The following KSR2 variants were observed in gnomAD, a reference collection of about 807,000 sequenced individuals.
KSR2 encodes the protein kinase suppressor of ras 2.
KSR2 carries 25 observed loss-of-function variants against 107.8 expected under a neutral mutation model. That is an observed-to-expected ratio of 0.23 (90% CI 0.17 to 0.32). The LOEUF (loss-of-function observed/expected upper bound fraction) is 0.32, where lower values mean the gene tolerates loss of function less well. KSR2 is among the 10% of genes least tolerant of loss of function. The probability of loss-of-function intolerance (pLI) is 1.00; values close to 1 mark genes in which losing one functional copy is unlikely to be tolerated. For missense variants in KSR2, 887 were observed against 1,268.9 expected (o/e 0.70, Z 4.57); for synonymous variants, 480 against 507.0 (o/e 0.95, Z 0.71).
chr12:117,529,351 G>A (rs903763789), intron 12 of KSR2, among the ~76,000 whole-genome samples: 1 of 152,140 alleles, frequency 6.6e-6, no homozygotes, highest in Non-Finnish European at 1.5e-5. Flanking sequence ...AAGTAGCTGC[G>A]ATTACAGTTG....
chr12:117,551,964 G>T (rs189479597), intron 9 of KSR2, among the ~76,000 whole-genome samples: 3 of 152,274 alleles, frequency 2.0e-5, no homozygotes, highest in South Asian at 4.2e-4. Context: ...AGAGAGAAAG[G>T]TCTCAAGGTG....
rs78134991 is a variant in KSR2 at position 117,869,609 on chromosome 12, T to A, written c.181-9178A>T. The stretch of plus-strand genomic sequence containing the variant: ...CTTTTTTCCTCTCACATAAATGATA[T>A]CATACAGCATGCACTTTTGTGCACT... On this transcript the variant is annotated intron_variant, in intron 1 of 19. Coordinates refer to ENST00000339824, the MANE Select transcript of KSR2 (RefSeq NM_173598.6). Among the ~76,000 whole-genome samples the A allele has an allele frequency of 9.2e-5, 14 of 152,324 alleles. No homozygotes were observed. In the East Asian group the frequency reaches 2.5e-3, roughly 27 times the overall value.
At chr12:117,524,797 C>G (rs1592954894) in intron 14 of KSR2, 55 bp downstream of exon 14, 8 of 1,542,564 alleles carry the variant, frequency 5.2e-6, no homozygotes, top group African/African-American at 1.4e-5. Flanking sequence ...ATTTCTCAAC[C>G]ATGCCAGAAG....
At chr12:117,655,655 G>A (rs1884120287) in intron 5 of KSR2, among the ~76,000 whole-genome samples, 1 of 152,126 alleles carries the variant, frequency 6.6e-6, no homozygotes, top group South Asian at 2.1e-4. Flanking sequence ...TCCAGAGGGA[G>A]GAACGCTGCC....
Position 117,907,665 on chromosome 12 carries a change from G to A in KSR2, c.181-47234C>T, listed in dbSNP as rs576783671. Among the ~76,000 whole-genome samples, 57 of 152,178 alleles carry A rather than the reference G, an allele frequency of 3.7e-4. No individual in the cohort carries two copies. The highest frequency in any genetic ancestry group is 6.5e-4 in the Admixed American group (10 of 15,270). On this transcript the variant is annotated intron_variant, in intron 1 of 19. Transcript: ENST00000339824. This position sits in a 1 kb window ranked among gnomAD's most constrained non-coding sequence, Gnocchi z 4.3. Reference sequence around the variant, plus strand: ...CCACCTGTAAGAGTACAAGGCTAAAGTGAGTTAACCTTACACTATTTAGTC... The same window carrying A: ...CCACCTGTAAGAGTACAAGGCTAAAATGAGTTAACCTTACACTATTTAGTC...
At chr12:117,827,621 A>G (rs1455184792) in intron 3 of KSR2, among the ~76,000 whole-genome samples, 1 of 152,276 alleles carries the variant, frequency 6.6e-6, no homozygotes, top group Non-Finnish European at 1.5e-5. Context: ...ATAGTTGATC[A>G]ATGATGTTGG....
intron 4 of KSR2, among the ~76,000 whole-genome samples, chr12:117,669,559 C>T (rs1243291942): frequency 7.1e-6 from 1 of 141,396 alleles, no homozygotes; most frequent in Non-Finnish European, 1.6e-5. Flanking sequence ...AAGTAAAATA[C>T]ATTGCTAAAA....
At position 117,600,210 on chromosome 12, in the gene KSR2, G is replaced by A. The variant is rs7316721; in HGVS notation, c.1172-17851C>T. On this transcript the variant is annotated intron_variant, in intron 5 of 19. Transcript: ENST00000339824. ...ACGGTCTGATTGCAACCCTCCAGGA[G>A]GAAAACAAATTCACAAAGCAGTCCC... Among the ~76,000 whole-genome samples, 6 of 152,282 alleles carry A rather than the reference G, an allele frequency of 3.9e-5. No individual in the cohort carries two copies. In the South Asian group the frequency reaches 8.3e-4, roughly 21 times the overall value.
chr12:117,568,802 T>C (rs1337072631), intron 7 of KSR2, among the ~76,000 whole-genome samples: 1 of 152,224 alleles, frequency 6.6e-6, no homozygotes, highest in African/African-American at 2.4e-5. Flanking sequence ...GATACAACTA[T>C]AATTAGACCT....
intron 1 of KSR2, among the ~76,000 whole-genome samples, chr12:117,878,641 C>T (rs544568894): frequency 1.7e-4 from 26 of 152,236 alleles, no homozygotes; most frequent in African/African-American, 6.3e-4. Flanking sequence ...GCTGGGGCTA[C>T]TGTAAGCAAT....
chr12:117,747,778 G>T (rs1055365838), intron 4 of KSR2, among the ~76,000 whole-genome samples: 1 of 152,060 alleles, frequency 6.6e-6, no homozygotes, highest in African/African-American at 2.4e-5. Context: ...GTCAAGAATG[G>T]CTTTTATCAA....
chr12:117,531,589 T>A, intron 11 of KSR2, 77 bp downstream of exon 11: 1 of 1,283,578 alleles, frequency 7.8e-7, no homozygotes, highest in Admixed American at 1.9e-5. Context: ...AACATCTGCC[T>A]CCATTCATCC....
chr12:117,498,149 A>G (rs1169661510), intron 14 of KSR2, among the ~76,000 whole-genome samples: 1 of 152,074 alleles, frequency 6.6e-6, no homozygotes, highest in African/African-American at 2.4e-5. Context: ...CAGGACTCAA[A>G]CCTTCACCTC....
intron 1 of KSR2, among the ~76,000 whole-genome samples, chr12:117,912,665 G>C (rs1895052106): frequency 6.6e-6 from 1 of 152,180 alleles, no homozygotes; most frequent in South Asian, 2.1e-4. Context: ...GGCCTGGTGG[G>C]ATTACGGGAC....
chr12:117,833,746 C>T (rs1892075331), intron 3 of KSR2, among the ~76,000 whole-genome samples: 2 of 152,114 alleles, frequency 1.3e-5, no homozygotes, highest in Admixed American at 6.5e-5. Context: ...GACACTAAGT[C>T]CTTCCTTCAT....
chr12:117,694,901 A>C (rs1188273930), intron 4 of KSR2, among the ~76,000 whole-genome samples: 1 of 125,888 alleles, frequency 7.9e-6, no homozygotes, highest in East Asian at 2.6e-4. Context: ...CTCAAGCTGG[A>C]GTGCAATGGC....
At chr12:117,824,856 C>CAAAA (rs146100153) in intron 3 of KSR2, among the ~76,000 whole-genome samples, 1 of 74,974 alleles carries the variant, frequency 1.3e-5, no homozygotes, top group Non-Finnish European at 2.8e-5. Flanking sequence ...GACTCTATCT[C>CAAAA]AAAAAAAAAA....
chr12:117,959,685 C>T (rs1896605667), intron 1 of KSR2, among the ~76,000 whole-genome samples: 1 of 152,160 alleles, frequency 6.6e-6, no homozygotes, highest in South Asian at 2.1e-4. Flanking sequence ...AATCTCAGCA[C>T]TTTGGGAGGC....
At position 117,556,161 on chromosome 12, in the gene KSR2, G is replaced by A. The variant is rs57432693; in HGVS notation, c.1394-868C>T. Among the ~76,000 whole-genome samples the A allele has an allele frequency of 3.9e-3, 563 of 142,782 alleles. 10 individuals are homozygous for A. The highest frequency in any genetic ancestry group is 0.034 in the Admixed American group (491 of 14,324). The allele number at this position is 142,782 out of a possible 152,430, so 93.7% of individuals were successfully genotyped here. On this transcript the variant is annotated intron_variant, in intron 8 of 19. Coordinates refer to ENST00000339824, the MANE Select transcript of KSR2 (RefSeq NM_173598.6). The stretch of plus-strand genomic sequence containing the variant: ...GGTGGATTTCTGCAAAGTTCAGTTC[G>A]CTCTGTATGTACAGACACCTGCCAC...
Sources: gnomAD v4.1 joint callset for allele counts (sites outside exome capture counted in the v4.1 genomes callset) on GRCh38, gnomAD v4.1.1 for gene constraint, Gnocchi (gnomAD v3.1) non-coding constraint, MANE v1.5 for transcripts, NCBI Gene and HGNC (gene_info 2026-07-23, HGNC 2026-07-21) for gene names.